The following SPAG16 variants were observed in gnomAD, a reference collection of about 807,000 sequenced individuals.
SPAG16 encodes sperm associated antigen 16.
A neutral mutation model predicts 80.4 loss-of-function variants in SPAG16; 86 were observed. The ratio of observed to expected loss-of-function variants is 1.07; its 90% CI spans 0.90 to 1.28. SPAG16 has a LOEUF of 1.28. SPAG16 is among the 50% of genes most tolerant of loss of function. SPAG16 has a pLI of 0.00. For synonymous variants in SPAG16, 294 were observed against 265.9 expected, an observed-to-expected ratio of 1.11 and a Z score of -1.03; for missense variants, 870 against 765.3, an observed-to-expected ratio of 1.14 and a Z score of -1.61.
chr2:214,046,218 C>A (rs561367228), intron 13 of SPAG16, among the ~76,000 whole-genome samples: 112 of 152,156 alleles, frequency 7.4e-4, no homozygotes, highest in Non-Finnish European at 1.4e-3. Context: ...AAAACTCTCC[C>A]AGCAAAGAAA....
At chr2:214,149,854 G>T (rs1289590352) in intron 15 of SPAG16, among the ~76,000 whole-genome samples, 1 of 151,968 alleles carries the variant, frequency 6.6e-6, no homozygotes, top group Non-Finnish European at 1.5e-5. Flanking sequence ...TGTTGATGAG[G>T]AATAGTGTAG....
intron 7 of SPAG16, among the ~76,000 whole-genome samples, chr2:213,356,178 T>C (rs980727927): frequency 6.6e-6 from 1 of 152,242 alleles, no homozygotes. Context: ...TTTTCATCGA[T>C]GTTCATCAGG....
intron 13 of SPAG16, among the ~76,000 whole-genome samples, chr2:214,092,804 C>G (rs2052311496): frequency 6.6e-6 from 1 of 151,970 alleles, no homozygotes; most frequent in Non-Finnish European, 1.5e-5. Context: ...ACAGTGGGAG[C>G]TAAGGGAGAT....
chr2:213,663,871 A>T (rs2063510414), intron 10 of SPAG16, among the ~76,000 whole-genome samples: 1 of 152,096 alleles, frequency 6.6e-6, no homozygotes, highest in Non-Finnish European at 1.5e-5. Context: ...AAAAAGTGGG[A>T]AATTAAATTG....
intron 3 of SPAG16, among the ~76,000 whole-genome samples, chr2:213,307,187 TG>T (rs937000884): frequency 2.4e-4 from 36 of 152,150 alleles, no homozygotes; most frequent in African/African-American, 8.2e-4. Context: ...TGTTGAATTT[TG>T]TTTTTTTTTA....
chr2:213,655,229 C>T (rs1297310576), intron 10 of SPAG16, among the ~76,000 whole-genome samples: 3 of 152,138 alleles, frequency 2.0e-5, no homozygotes, highest in Admixed American at 1.3e-4. Context: ...TATAGGATCA[C>T]GAGGCATATA....
At chr2:213,336,614 G>C (rs74365153) in intron 5 of SPAG16, among the ~76,000 whole-genome samples, 1 of 152,212 alleles carries the variant, frequency 6.6e-6, no homozygotes, top group Non-Finnish European at 1.5e-5. Flanking sequence ...CACAGCAGCT[G>C]TGTCAGTTCA....
chr2:213,556,723 C>CTATA (rs1559251756), intron 10 of SPAG16, among the ~76,000 whole-genome samples: 3 of 152,128 alleles, frequency 2.0e-5, no homozygotes, highest in African/African-American at 7.2e-5. Flanking sequence ...TGGACTTGAA[C>CTATA]TATACTCTTT....
intron 15 of SPAG16, among the ~76,000 whole-genome samples, chr2:214,329,781 A>G (rs1696764259): frequency 6.6e-6 from 1 of 152,218 alleles, no homozygotes; most frequent in Admixed American, 6.5e-5. Context: ...AATCAATGCA[A>G]CAGTACCCTG....
chr2:214,059,188 A>C (rs1265119934), intron 13 of SPAG16, among the ~76,000 whole-genome samples: 793 of 25,704 alleles, frequency 0.031, 12 homozygotes, highest in African/African-American at 0.1. Context: ...CTCTCTGTCT[A>C]TATATATATA....
chr2:214,141,421 C>G (rs1049100374), intron 14 of SPAG16, among the ~76,000 whole-genome samples: 1 of 150,734 alleles, frequency 6.6e-6, no homozygotes, highest in African/African-American at 2.4e-5. Flanking sequence ...GAGCCCAGAT[C>G]AGGCCACTGC....
At chr2:213,390,138 G>A (rs2067665804) in intron 9 of SPAG16, among the ~76,000 whole-genome samples, 1 of 152,134 alleles carries the variant, frequency 6.6e-6, no homozygotes, top group Non-Finnish European at 1.5e-5. Flanking sequence ...ATAACAGAAA[G>A]ACAAATACTA....
chr2:213,477,132 A>G (rs964192991), intron 9 of SPAG16, among the ~76,000 whole-genome samples: 9 of 152,078 alleles, frequency 5.9e-5, no homozygotes, highest in Admixed American at 3.3e-4. Flanking sequence ...CAACTGAGAG[A>G]GAGTAGATAA....
chr2:214,233,869 G>A (rs962475631), intron 15 of SPAG16, among the ~76,000 whole-genome samples: 2 of 151,886 alleles, frequency 1.3e-5, no homozygotes, highest in South Asian at 4.2e-4. Context: ...TTTTTTGTTC[G>A]ACAAACTTTT....
intron 8 of SPAG16, among the ~76,000 whole-genome samples, chr2:213,373,347 G>A (rs961445264): frequency 3.9e-5 from 6 of 152,042 alleles, no homozygotes; most frequent in African/African-American, 9.7e-5. Context: ...ATTTATTCTC[G>A]CTACATTGAG....
chr2:213,515,872 A>C (rs1042843224), intron 10 of SPAG16, among the ~76,000 whole-genome samples: 1 of 152,190 alleles, frequency 6.6e-6, no homozygotes, highest in Non-Finnish European at 1.5e-5. Context: ...TTGTGTGTCT[A>C]GACAGATACC....
intron 12 of SPAG16, among the ~76,000 whole-genome samples, chr2:213,960,819 T>C (rs529343608): frequency 3.9e-4 from 59 of 152,340 alleles, no homozygotes; most frequent in Admixed American, 1.2e-3. Flanking sequence ...CTAGAAGTTA[T>C]TGTGGCTGGT....
chr2:214,023,794 A>G (rs1038488178), intron 13 of SPAG16, among the ~76,000 whole-genome samples: 1 of 151,678 alleles, frequency 6.6e-6, no homozygotes, highest in Non-Finnish European at 1.5e-5. Context: ...TGCAGTTACT[A>G]TAAATGGTAT....
intron 14 of SPAG16, among the ~76,000 whole-genome samples, chr2:214,144,795 T>C (rs2055552439): frequency 6.6e-6 from 1 of 152,132 alleles, no homozygotes. Context: ...AACATACGTG[T>C]ATATGAAACC....
Sources: allele counts gnomAD v4.1 joint callset (sites outside exome capture counted in the v4.1 genomes callset), GRCh38; gene constraint gnomAD v4.1.1; transcripts MANE v1.5; gene names NCBI Gene and HGNC (gene_info 2026-07-23, HGNC 2026-07-21).